The following KCND3 variants were observed in gnomAD, a reference collection of about 807,000 sequenced individuals.
KCND3 encodes potassium voltage-gated channel subfamily D member 3, also known as A-type voltage-gated potassium channel KCND3.
Under a neutral mutation model 51.1 loss-of-function variants are expected in KCND3, and 9 were observed. The observed-to-expected ratio is 0.18, with a 90% CI of 0.11 to 0.31. The LOEUF is 0.31. Ranked by LOEUF, KCND3 falls within the 10% of genes least tolerant of loss-of-function variation. The probability of loss-of-function intolerance (pLI) is 1.00; values close to 1 mark genes in which losing one functional copy is unlikely to be tolerated. For synonymous variants in KCND3, 349 were observed against 368.0 expected, an observed-to-expected ratio of 0.95 and a Z score of 0.59; for missense variants, 526 against 903.8, an observed-to-expected ratio of 0.58 and a Z score of 5.36.
intron 2 of KCND3, among the ~76,000 whole-genome samples, chr1:111,927,140 A>G (rs951460589): frequency 5.9e-5 from 9 of 152,326 alleles, no homozygotes; most frequent in Admixed American, 5.9e-4. Context: ...GACATTAAAT[A>G]TGGGCCCTGA....
intron 2 of KCND3, among the ~76,000 whole-genome samples, chr1:111,868,694 T>A (rs189356856): frequency 1.3e-5 from 2 of 152,344 alleles, no homozygotes; most frequent in Admixed American, 1.3e-4. Flanking sequence ...CTTTGAATTA[T>A]CATTTCTATT....
At chr1:111,909,274 C>T (rs572791453) in intron 2 of KCND3, 1 of 152,346 alleles carries the variant, frequency 6.6e-6, no homozygotes, top group South Asian at 2.1e-4. Flanking sequence ...GCCAATCAGG[C>T]TTTCCAGGAA....
chr1:111,810,345 G>A (rs980633814), intron 2 of KCND3, among the ~76,000 whole-genome samples: 1 of 152,200 alleles, frequency 6.6e-6, no homozygotes, highest in Non-Finnish European at 1.5e-5. Flanking sequence ...TGCTGGGACC[G>A]AATACCTTGA....
intron 2 of KCND3, among the ~76,000 whole-genome samples, chr1:111,930,117 C>G (rs909101644): frequency 1.3e-5 from 2 of 151,442 alleles, no homozygotes; most frequent in African/African-American, 2.4e-5. Context: ...GAATGCGGGA[C>G]AAAGCGAGGT....
At chr1:111,987,558 C>A (rs972917845) in intron 1 of KCND3, among the ~76,000 whole-genome samples, 1 of 152,172 alleles carries the variant, frequency 6.6e-6, no homozygotes, top group South Asian at 2.1e-4. Context: ...ATACCATATC[C>A]AAGGCCACAC....
At chr1:111,876,124 T>C (rs1015496732) in intron 2 of KCND3, among the ~76,000 whole-genome samples, 1 of 152,202 alleles carries the variant, frequency 6.6e-6, no homozygotes, top group African/African-American at 2.4e-5. Context: ...GTTTATATAA[T>C]AGCTCAAGGG....
chr1:111,919,844 A>G (rs1671396454), intron 2 of KCND3, among the ~76,000 whole-genome samples: 1 of 152,192 alleles, frequency 6.6e-6, no homozygotes, highest in African/African-American at 2.4e-5. Flanking sequence ...ATTCAAACCG[A>G]TTTGAAACAG....
intron 2 of KCND3, among the ~76,000 whole-genome samples, chr1:111,870,632 A>G (rs921585931): frequency 1.3e-5 from 2 of 152,166 alleles, no homozygotes; most frequent in African/African-American, 4.8e-5. Flanking sequence ...ATCAAGTCCA[A>G]GATCTGGAGT....
intron 2 of KCND3, among the ~76,000 whole-genome samples, chr1:111,799,821 G>A (rs1217981730): frequency 6.6e-6 from 1 of 152,248 alleles, no homozygotes; most frequent in African/African-American, 2.4e-5. Flanking sequence ...GGAGATGGAA[G>A]AGCAAATGCT....
intron 2 of KCND3, among the ~76,000 whole-genome samples, chr1:111,818,538 A>C (rs1300579747): frequency 6.6e-6 from 1 of 152,202 alleles, no homozygotes; most frequent in East Asian, 1.9e-4. Flanking sequence ...TGATCCATCC[A>C]TGATGCAACT....
chr1:111,934,807 A>G (rs995800717), intron 2 of KCND3, among the ~76,000 whole-genome samples: 7 of 152,232 alleles, frequency 4.6e-5, no homozygotes, highest in Non-Finnish European at 7.3e-5. Flanking sequence ...GGCAAGTGCT[A>G]TAAACTGCTT....
At chr1:111,889,980 A>G (rs1669755092) in intron 2 of KCND3, among the ~76,000 whole-genome samples, 1 of 152,274 alleles carries the variant, frequency 6.6e-6, no homozygotes, top group African/African-American at 2.4e-5. Flanking sequence ...ACATTGAGGG[A>G]CAACAAACAG....
intron 2 of KCND3, among the ~76,000 whole-genome samples, chr1:111,959,047 C>T (rs1673493908): frequency 6.6e-6 from 1 of 152,202 alleles, no homozygotes; most frequent in South Asian, 2.1e-4. Context: ...CGCACACACA[C>T]TCACAGAGTC....
In KCND3 at chr1:111,981,907, G is replaced by A; in HGVS notation, c.820C>T (p.Leu274=). Residue 274 remains leucine, a synonymous_variant, in exon 2 of 8, where the codon CTG becomes TTG. Coordinates refer to ENST00000302127, the MANE Select transcript of KCND3 (RefSeq NM_001378969.1). This position sits in a 1 kb window ranked among gnomAD's most constrained non-coding sequence, Gnocchi z 6.2. ...ACGTCCTCGTTGTTGGTCATGACCA[G>A]ACCGATGTAGTAGGGCATGATGGCC... The part of the protein sequence containing the change: ...VVAIMPYYIG[L]VMTNNEDVSG... 6.2e-7 allele frequency: 1 copy of A among 1,614,144 alleles called. No homozygotes were observed. The highest frequency in any genetic ancestry group is 1.1e-5 in the South Asian group (1 of 91,074).
chr1:111,940,986 G>A (rs1672488420), intron 2 of KCND3, among the ~76,000 whole-genome samples: 1 of 152,276 alleles, frequency 6.6e-6, no homozygotes, highest in South Asian at 2.1e-4. Context: ...GTTTACTGCT[G>A]TTCTTTGCTC....
chr1:111,837,794 A>G (rs1346239797), intron 2 of KCND3, among the ~76,000 whole-genome samples: 1 of 152,088 alleles, frequency 6.6e-6, no homozygotes, highest in African/African-American at 2.4e-5. Flanking sequence ...ACACTAACAT[A>G]CTACCCTCGC....
At chr1:111,942,254 C>T (rs1197319190) in intron 2 of KCND3, among the ~76,000 whole-genome samples, 1 of 152,220 alleles carries the variant, frequency 6.6e-6, no homozygotes, top group Non-Finnish European at 1.5e-5. Flanking sequence ...ATACCAGGCA[C>T]AGTTCTAGGC....
intron 2 of KCND3, among the ~76,000 whole-genome samples, chr1:111,802,373 C>G (rs949414756): frequency 3.9e-5 from 6 of 152,218 alleles, no homozygotes; most frequent in African/African-American, 1.4e-4. Context: ...TGCCTGCCCC[C>G]GCTCTGGCAG....
chr1:111,914,857 G>A (rs981777821), intron 2 of KCND3, among the ~76,000 whole-genome samples: 3 of 151,980 alleles, frequency 2.0e-5, no homozygotes, highest in Non-Finnish European at 4.4e-5. Flanking sequence ...AGATATGTGG[G>A]TAAATTGAAA....
Sources: allele counts gnomAD v4.1 joint callset (sites outside exome capture counted in the v4.1 genomes callset), GRCh38; gene constraint gnomAD v4.1.1; non-coding constraint Gnocchi (gnomAD v3.1); transcripts MANE v1.5; gene names NCBI Gene and HGNC (gene_info 2026-07-23, HGNC 2026-07-21).